The following IBTK variants were observed in gnomAD, a reference collection of about 807,000 sequenced individuals.
IBTK encodes inhibitor of Bruton tyrosine kinase, also known as BTK-binding protein.
A neutral mutation model predicts 154.9 loss-of-function variants in IBTK; 83 were observed. The ratio of observed to expected loss-of-function variants is 0.54; its 90% CI spans 0.45 to 0.64. The LOEUF is 0.64. Among genes scored for constraint, IBTK ranks in the 30% least tolerant of loss-of-function variants. The pLI is 0.00. For synonymous variants in IBTK, 515 were observed against 536.1 expected (o/e 0.96, Z 0.54); for missense variants, 1,332 against 1,584.6 (o/e 0.84, Z 2.71).
chr6:82,211,410 A>G lies in IBTK; in HGVS notation c.2375-6T>C. The G allele has an allele frequency of 1.2e-6, 2 of 1,609,168 alleles. No homozygotes were observed. The highest frequency in any genetic ancestry group is 1.7e-6 in the Non-Finnish European group (2 of 1,177,508). On this transcript the variant is annotated splice_polypyrimidine_tract_variant and splice_region_variant and intron_variant, in intron 14 of 28. Coordinates refer to ENST00000306270, the MANE Select transcript of IBTK (RefSeq NM_015525.4). ...CAGCATACTATGAAAATATTCTAAA[A>G]GAAAAAAAAGTTCAATGCAATAAGA...
intron 8 of IBTK, among the ~76,000 whole-genome samples, chr6:82,221,075 C>T (rs1770082416): frequency 6.6e-6 from 1 of 152,002 alleles, no homozygotes; most frequent in Non-Finnish European, 1.5e-5. Context: ...GCCTGTAATC[C>T]CAGCACTTTG....
chr6:82,184,596 CA>C (rs1209481862), intron 25 of IBTK, among the ~76,000 whole-genome samples: 11 of 152,140 alleles, frequency 7.2e-5, no homozygotes, highest in Non-Finnish European at 8.8e-5. Context: ...CAATCTAATG[CA>C]AAAACCCAGT....
intron 13 of IBTK, among the ~76,000 whole-genome samples, chr6:82,212,151 T>G (rs1168118099): frequency 6.6e-6 from 1 of 152,230 alleles, no homozygotes; most frequent in East Asian, 1.9e-4. Flanking sequence ...CCCGCCACTA[T>G]GCCCGGCTAA....
rs1040002781 is a variant in IBTK, at chr6:82,185,204, A to C, written c.3576-3176T>G. Reference sequence around the variant, plus strand: ...TCTCAGAAAAAAAAAAAAAAAAAAAAAACAGATAAATCATCACAGTCATGA... The same window carrying C: ...TCTCAGAAAAAAAAAAAAAAAAAAACAACAGATAAATCATCACAGTCATGA... On this transcript the variant is annotated intron_variant, in intron 25 of 28. Coordinates refer to ENST00000306270, the MANE Select transcript of IBTK (RefSeq NM_015525.4). 1.8e-4 allele frequency among the ~76,000 whole-genome samples: 28 copies of C among 151,660 alleles called. No homozygotes were observed. In the South Asian group the frequency reaches 2.3e-3, roughly 12 times the overall value.
rs879219850 is a variant in IBTK at position 82,218,158 on chromosome 6, A to G, written c.1249-21T>C. ...AACACCTAAAACAAAACCAAATCAC[A>G]TTGAAATATAAAGCAAGTAGCATTT... On this transcript the variant is annotated intron_variant, in intron 9 of 28. Coordinates refer to ENST00000306270, the MANE Select transcript of IBTK (RefSeq NM_015525.4). 4.0e-6 allele frequency: 6 copies of G among 1,495,406 alleles called. No individual in the cohort carries two copies. The South Asian group carries it at 7.1e-5, about 18-fold the overall frequency. 92.6% of individuals were successfully genotyped at this position (1,495,406 alleles called of 1,614,324 possible). A position where few individuals can be genotyped will look rare whatever the true frequency, so the allele number is the denominator to read the frequency against.
At chr6:82,233,641 C>CT (rs147234535) in intron 3 of IBTK, among the ~76,000 whole-genome samples, 35,905 of 151,090 alleles carry the variant, frequency 0.24, 4,327 homozygotes, top group African/African-American at 0.28. Context: ...TTCCCCACTA[C>CT]TTTAAGAAGA....
At chr6:82,218,224 C>CTCTCATTAGTATGTTTCAA in intron 9 of IBTK, 87 bp from the exon 10 acceptor site, 1 of 928,094 alleles carries the variant, frequency 1.1e-6, no homozygotes, top group Non-Finnish European at 1.5e-6. Context: ...AGAGACAATG[C>CTCTCATTAGTATGTTTCAA]TGTTAAAATA....
intron 11 of IBTK, 71 bp downstream of exon 11, chr6:82,216,005 C>T: frequency 8.9e-7 from 1 of 1,119,478 alleles, no homozygotes; most frequent in Non-Finnish European, 1.3e-6. Flanking sequence ...TTTGCACCAG[C>T]AGCTACTGAA....
At chr6:82,195,681 G>A (rs1768957487) in intron 22 of IBTK, among the ~76,000 whole-genome samples, 1 of 152,148 alleles carries the variant, frequency 6.6e-6, no homozygotes, top group African/African-American at 2.4e-5. Context: ...GATACGTTTT[G>A]TGGATGTGTA....
chr6:82,237,754 C>T (rs1289408161), intron 2 of IBTK, among the ~76,000 whole-genome samples: 3 of 150,946 alleles, frequency 2.0e-5, no homozygotes, highest in African/African-American at 7.3e-5. Context: ...TTTACTATTA[C>T]TATATAATAA....
At chr6:82,239,921 C>T (rs1006894514) in intron 2 of IBTK, among the ~76,000 whole-genome samples, 2 of 152,054 alleles carry the variant, frequency 1.3e-5, no homozygotes, top group Non-Finnish European at 2.9e-5. Context: ...ACAAATAACA[C>T]AAAATTGGCC....
At chr6:82,245,437 G>C (rs1363245209) in intron 1 of IBTK, among the ~76,000 whole-genome samples, 1 of 152,188 alleles carries the variant, frequency 6.6e-6, no homozygotes, top group Non-Finnish European at 1.5e-5. Context: ...CATCCCTGTA[G>C]TCCCAACTAC....
chr6:82,235,950 T>C (rs1770700168), intron 2 of IBTK, among the ~76,000 whole-genome samples: 1 of 152,176 alleles, frequency 6.6e-6, no homozygotes, highest in Non-Finnish European at 1.5e-5. Flanking sequence ...CTCGGCTCAC[T>C]GCAACCTCCA....
rs1478458568 is a variant in IBTK at position 82,170,583 on chromosome 6, T to C, written c.*842A>G. On this transcript the variant is annotated 3_prime_UTR_variant, in exon 29 of 29. Transcript: ENST00000306270. The stretch of plus-strand genomic sequence containing the variant: ...TACAGTATTGTAAAGGTAATGATAA[T>C]CCAACCCTCTTCCAAACTATTTAAT... 1 of 152,172 alleles carries C rather than the reference T, an allele frequency of 6.6e-6. No individual in the cohort carries two copies. The highest frequency in any genetic ancestry group is 1.9e-4 in the East Asian group (1 of 5,204). 9.4% of individuals were successfully genotyped at this position (152,172 alleles called of 1,614,324 possible).
chr6:82,182,114 T>C (rs1768345715), intron 25 of IBTK, 86 bp from the exon 26 acceptor site: 17 of 1,322,952 alleles, frequency 1.3e-5, no homozygotes, highest in East Asian at 2.5e-5. Flanking sequence ...TAAGAACGTA[T>C]ACCAAAAATT....
intron 2 of IBTK, among the ~76,000 whole-genome samples, chr6:82,235,727 C>T (rs1221627440): frequency 1.3e-5 from 2 of 152,088 alleles, no homozygotes; most frequent in African/African-American, 4.8e-5. Flanking sequence ...TTGTTGATGA[C>T]CTGTTTATTC....
intron 2 of IBTK, among the ~76,000 whole-genome samples, chr6:82,236,376 T>C (rs554408278): frequency 6.6e-6 from 1 of 152,316 alleles, no homozygotes; most frequent in East Asian, 1.9e-4. Flanking sequence ...ATATAACCTA[T>C]GATTCTGTGA....
chr6:82,200,362 C>T, intron 20 of IBTK, 109 bp from the exon 21 acceptor site: 2 of 836,162 alleles, frequency 2.4e-6, no homozygotes, highest in East Asian at 2.5e-5. Context: ...AAAATATTTA[C>T]ACTTTCAATG....
rs768631750 is a variant in IBTK, at chr6:82,172,436, G to C, written c.3874C>G (p.Leu1292Val). 2 of 1,613,796 alleles carry C rather than the reference G, an allele frequency of 1.2e-6. No homozygotes were observed. Among genetic ancestry groups the C allele is most frequent in the Non-Finnish European group, 1.7e-6 (2 of 1,179,804 alleles). The change falls in exon 28 of 29, where the codon CTA (leucine) becomes GTA (valine). Residue 1292 changes from leucine (L) to valine (V), a missense_variant. This residue lies in a region of IBTK where 1,134 missense variants were observed against 1,274.7 expected (regional missense o/e 0.89). Coordinates refer to ENST00000306270, the MANE Select transcript of IBTK (RefSeq NM_015525.4). The part of the protein sequence containing the change: ...VTFASIVEEE[L>V]QQEAALIRSR... ...CTAATAAGAGCTGCTTCTTGTTGTA[G>C]TTCTTCTTCTACAATAGATGCAAAA...
Sources: allele counts gnomAD v4.1 joint callset (sites outside exome capture counted in the v4.1 genomes callset), GRCh38; gene constraint gnomAD v4.1.1; regional missense constraint gnomAD v4.1.1; transcripts MANE v1.5; gene names NCBI Gene and HGNC (gene_info 2026-07-23, HGNC 2026-07-21).